PBRM1: variants seen among roughly 807,000 people sequenced by gnomAD.
PBRM1 encodes the protein protein polybromo-1.
A neutral mutation model predicts 194.5 loss-of-function variants in PBRM1; 27 were observed. The ratio of observed to expected loss-of-function variants is 0.14; its 90% confidence interval spans 0.10 to 0.19. The LOEUF is 0.19. PBRM1 is among the 10% of genes least tolerant of loss of function. PBRM1 has a pLI of 1.00. For synonymous variants in PBRM1, 655 were observed against 693.2 expected (o/e 0.94, Z 0.87); for missense variants, 1,466 against 2,077.2 (o/e 0.71, Z 5.72).
upstream of PBRM1, chr3:52,681,167 C>G (rs1020245927): frequency 6.6e-6 from 1 of 151,490 alleles, no homozygotes; most frequent in African/African-American, 2.4e-5. Flanking sequence ...ACACCAGCAG[C>G]TGAATGATTA....
At chr3:52,633,111 A>C (rs1306622630) in intron 11 of PBRM1, among the ~76,000 whole-genome samples, 1 of 151,288 alleles carries the variant, frequency 6.6e-6, no homozygotes, top group Non-Finnish European at 1.5e-5. Flanking sequence ...TAAGACTGAC[A>C]CTCTATACCC....
chr3:52,599,646 C>A (rs1468150436), intron 17 of PBRM1, among the ~76,000 whole-genome samples: 8 of 131,150 alleles, frequency 6.1e-5, no homozygotes, highest in African/African-American at 2.3e-4. Context: ...CCCGTCTCTA[C>A]TAAAAATACA....
chr3:52,609,612 C>A lies in PBRM1; in HGVS notation c.2268G>T (p.Leu756=), dbSNP rs1299252432. 1 of 1,613,130 alleles carries A rather than the reference C, an allele frequency of 6.2e-7. No individual in the cohort carries two copies. Among genetic ancestry groups the A allele is most frequent in the Non-Finnish European group, 8.5e-7 (1 of 1,179,574 alleles). The change falls in exon 16 of 30, where the codon CTG becomes CTT. Residue 756 remains leucine, a synonymous_variant. Transcript: ENST00000296302. This position sits in a 1 kb window ranked among gnomAD's most constrained non-coding sequence, Gnocchi z 4.1. ...CCTCCAGGTCTCTGCGTGTTTCAAG[C>A]AGGACTTTGTGTAGAACAAGAGCAT...
At chr3:52,554,850 G>A in exon 27 of PBRM1, 1 of 1,607,206 alleles carries the variant, frequency 6.2e-7, no homozygotes, top group Non-Finnish European at 8.5e-7. Context: ...TGCAAAGGTG[G>A]AAGGCCTGGC....
intron 10 of PBRM1, among the ~76,000 whole-genome samples, chr3:52,639,191 G>A (rs1016145778): frequency 2.6e-5 from 4 of 152,070 alleles, no homozygotes; most frequent in Non-Finnish European, 4.4e-5. Context: ...GGCCAGGATG[G>A]TCTCGAACTC....
At chr3:52,668,981 T>C (rs1182575975) in intron 2 of PBRM1, among the ~76,000 whole-genome samples, 2 of 152,178 alleles carry the variant, frequency 1.3e-5, no homozygotes, top group African/African-American at 2.4e-5. Flanking sequence ...TAAATGAAGA[T>C]GACTTACCTT....
At chr3:52,557,522 T>C (rs1187548913) in intron 26 of PBRM1, among the ~76,000 whole-genome samples, 3 of 152,136 alleles carry the variant, frequency 2.0e-5, no homozygotes, top group Non-Finnish European at 1.5e-5. Context: ...TGGAGACATG[T>C]CAGACAAAGA....
chr3:52,576,778 A>G, intron 21 of PBRM1, 80 bp from the exon 24 acceptor site: 1 of 1,051,944 alleles, frequency 9.5e-7, no homozygotes. Context: ...GCATTAACCA[A>G]AAACTTAGTA....
At chr3:52,679,748 G>T, upstream of PBRM1, 1 of 1,601,262 alleles carries the variant, frequency 6.2e-7, no homozygotes, top group South Asian at 1.1e-5. Flanking sequence ...AATCAGCCAT[G>T]TTCTTACATT....
At chr3:52,575,672 A>ATTT (rs35495289) in intron 22 of PBRM1, among the ~76,000 whole-genome samples, 2 of 122,554 alleles carry the variant, frequency 1.6e-5, no homozygotes, top group Non-Finnish European at 1.7e-5. Flanking sequence ...TGCCCAAATA[A>ATTT]TTTTTTTTTT....
chr3:52,591,303 G>A (rs1188044559), intron 17 of PBRM1, among the ~76,000 whole-genome samples: 1 of 152,142 alleles, frequency 6.6e-6, no homozygotes, highest in Non-Finnish European at 1.5e-5. Flanking sequence ...TTGAATAGGA[G>A]TGGTGGGAGA....
chr3:52,615,115 T>C (rs979698960), intron 15 of PBRM1, among the ~76,000 whole-genome samples: 1 of 152,208 alleles, frequency 6.6e-6, no homozygotes, highest in African/African-American at 2.4e-5. Flanking sequence ...ACAAAATGTC[T>C]ACGCATTTAA....
intron 11 of PBRM1, among the ~76,000 whole-genome samples, chr3:52,633,955 G>GA (rs984581192): frequency 1.3e-5 from 2 of 152,028 alleles, no homozygotes; most frequent in African/African-American, 4.8e-5. Context: ...TTTCTAAATA[G>GA]AAAAAAGAGA....
chr3:52,684,248 G>C (rs1489598688), upstream of PBRM1, among the ~76,000 whole-genome samples: 2 of 147,376 alleles, frequency 1.4e-5, no homozygotes. Flanking sequence ...AGGAAAGACA[G>C]ATTCCAGAGT....
intron 6 of PBRM1, 78 bp from the exon 8 acceptor site, chr3:52,648,520 T>C: frequency 1.4e-6 from 1 of 716,504 alleles, no homozygotes; most frequent in South Asian, 1.9e-5. Context: ...GAACCCCACA[T>C]ATTTCTAAAT....
chr3:52,676,751 C>A (rs140165139), intron 2 of PBRM1, among the ~76,000 whole-genome samples: 4 of 152,172 alleles, frequency 2.6e-5, no homozygotes, highest in Non-Finnish European at 5.9e-5. Flanking sequence ...GAGTTTGGAA[C>A]TTCCTAGAGA....
At chr3:52,648,611 C>T (rs2096395989) in intron 6 of PBRM1, among the ~76,000 whole-genome samples, 169 bp from the exon 8 acceptor site, 1 of 152,182 alleles carries the variant, frequency 6.6e-6, no homozygotes, top group South Asian at 2.1e-4. Context: ...TAAATTATTA[C>T]TGTACCCATT....
At chr3:52,656,506 A>T (rs941159683) in intron 5 of PBRM1, among the ~76,000 whole-genome samples, 7 of 152,168 alleles carry the variant, frequency 4.6e-5, no homozygotes, top group Non-Finnish European at 8.8e-5. Flanking sequence ...TCTACTAAAA[A>T]ATACAAAAAT....
At chr3:52,545,506 A>G (rs546814777), downstream of PBRM1, 4 of 233,084 alleles carry the variant, frequency 1.7e-5, no homozygotes, top group African/African-American at 8.8e-5. Context: ...CCAAGTTTTA[A>G]TCAGGTATGA....
Sources: gnomAD v4.1 joint callset for allele counts (sites outside exome capture counted in the v4.1 genomes callset) on GRCh38, gnomAD v4.1.1 for gene constraint, Gnocchi (gnomAD v3.1) non-coding constraint, MANE v1.5 for transcripts, NCBI Gene and HGNC (gene_info 2026-07-23, HGNC 2026-07-21) for gene names.